The following CAMK2B variants were observed in gnomAD, a reference collection of about 807,000 sequenced individuals.
CAMK2B encodes the protein calcium/calmodulin dependent protein kinase II beta, also known as calcium/calmodulin-dependent protein kinase type II subunit beta.
CAMK2B carries 27 observed loss-of-function variants against 93.7 expected under a neutral mutation model. The observed-to-expected ratio is 0.29, with a 90% confidence interval of 0.21 to 0.40. The LOEUF is 0.40. Ranked by LOEUF, CAMK2B falls within the 10% of genes least tolerant of loss-of-function variation. The pLI, the probability that CAMK2B is intolerant of heterozygous loss-of-function variation, is 1.00. For missense variants in CAMK2B, 568 were observed against 895.8 expected, an observed-to-expected ratio of 0.63 and a Z score of 4.67; for synonymous variants, 374 against 358.8, an observed-to-expected ratio of 1.04 and a Z score of -0.48.
At chr7:44,293,941 C>T (rs1787562618) in intron 1 of CAMK2B, among the ~76,000 whole-genome samples, 1 of 152,230 alleles carries the variant, frequency 6.6e-6, no homozygotes, top group Admixed American at 6.5e-5. Flanking sequence ...TGCCCAGACC[C>T]ACTGCCAGGA....
chr7:44,218,211 T>G lies in CAMK2B; in HGVS notation c.*1314A>C, dbSNP rs1303438372. The G allele has an allele frequency of 6.5e-6, 1 of 153,106 alleles. No homozygotes were observed. The highest frequency in any genetic ancestry group is 1.9e-4 in the East Asian group (1 of 5,202). The allele number at this position is 153,106 out of a possible 1,614,324, so 9.5% of individuals were successfully genotyped here. A position where few individuals can be genotyped will look rare whatever the true frequency, so the allele number is the denominator to read the frequency against. ...CCTAGGCTGGCTCCCACTGTAGCTT[T>G]TGCTCCCTTCTGCTCCCGGCCCAGA... On this transcript the variant is annotated 3_prime_UTR_variant, in exon 24 of 24. Coordinates refer to ENST00000395749, the MANE Select transcript of CAMK2B (RefSeq NM_001220.5).
At chr7:44,253,262 G>A (rs890300627) in intron 5 of CAMK2B, among the ~76,000 whole-genome samples, 3 of 149,076 alleles carry the variant, frequency 2.0e-5, no homozygotes, top group Admixed American at 6.7e-5. Flanking sequence ...CACCCAGGCT[G>A]GAGTGCAATG....
chr7:44,254,943 C>A (rs1339918584), intron 4 of CAMK2B, among the ~76,000 whole-genome samples: 1 of 151,530 alleles, frequency 6.6e-6, no homozygotes, highest in African/African-American at 2.4e-5. Flanking sequence ...AAACAAATTT[C>A]AAAGATTTGG....
intron 1 of CAMK2B, among the ~76,000 whole-genome samples, chr7:44,315,015 T>C (rs139759802): frequency 2.6e-5 from 4 of 152,340 alleles, no homozygotes; most frequent in African/African-American, 7.2e-5. Context: ...TTTTCTCCCA[T>C]TCTATGGACT....
intron 1 of CAMK2B, among the ~76,000 whole-genome samples, chr7:44,303,005 C>T (rs1790500593): frequency 6.6e-6 from 1 of 151,950 alleles, no homozygotes; most frequent in African/African-American, 2.4e-5. Flanking sequence ...ATAGAAAACC[C>T]CAAAGAATCA....
Position 44,241,760 on chromosome 7 carries a change from C to T in CAMK2B, c.843G>A (p.Met281Ile), listed in dbSNP as rs771666855. 6.2e-7 allele frequency: 1 copy of T among 1,613,746 alleles called. No homozygotes were observed. The highest frequency in any genetic ancestry group is 8.5e-7 in the Non-Finnish European group (1 of 1,179,802). ...WVCQRSTVAS[M>I]MHRQETVECL... ...ACTCCACAGTCTCCTGTCTGTGCAT[C>T]ATGGATGCTACCGTGGAGCGTTGCT... is the stretch of plus-strand genomic sequence containing the variant. Residue 281 changes from methionine to isoleucine, a missense_variant, in exon 11 of 24, where the codon ATG (methionine) becomes ATA (isoleucine). Transcript: ENST00000395749.
chr7:44,290,062 C>T (rs1326118907), intron 1 of CAMK2B, among the ~76,000 whole-genome samples: 1 of 152,192 alleles, frequency 6.6e-6, no homozygotes, highest in Non-Finnish European at 1.5e-5. Flanking sequence ...CACACATGTG[C>T]ACTCTCCTCA....
intron 2 of CAMK2B, among the ~76,000 whole-genome samples, chr7:44,272,233 G>A (rs1229887545): frequency 1.3e-5 from 2 of 152,206 alleles, no homozygotes; most frequent in East Asian, 3.9e-4. Context: ...GTCTGAGGCA[G>A]GAATAACCCC....
chr7:44,306,416 A>T (rs764151224), intron 1 of CAMK2B, among the ~76,000 whole-genome samples: 3 of 152,224 alleles, frequency 2.0e-5, no homozygotes, highest in Non-Finnish European at 4.4e-5. Flanking sequence ...ACCCCACAGG[A>T]GCTGTGCCCC....
intron 13 of CAMK2B, among the ~76,000 whole-genome samples, chr7:44,237,752 A>C (rs1472666154): frequency 6.6e-6 from 1 of 152,216 alleles, no homozygotes; most frequent in African/African-American, 2.4e-5. Flanking sequence ...GCAGGAGCCC[A>C]GGGTAGGCGG....
chr7:44,232,672 G>T, intron 16 of CAMK2B, 150 bp downstream of exon 16: 1 of 748,672 alleles, frequency 1.3e-6, no homozygotes, highest in Middle Eastern at 3.9e-4. Context: ...TGCCCACGAA[G>T]ACGGACTGGG....
intron 2 of CAMK2B, among the ~76,000 whole-genome samples, chr7:44,277,931 G>C (rs2097064038): frequency 6.6e-6 from 1 of 152,254 alleles, no homozygotes; most frequent in Non-Finnish European, 1.5e-5. Flanking sequence ...ATGGGAAGGA[G>C]AGAGCCAGAC....
chr7:44,304,675 T>C (rs1790980699), intron 1 of CAMK2B, among the ~76,000 whole-genome samples: 1 of 152,306 alleles, frequency 6.6e-6, no homozygotes, highest in African/African-American at 2.4e-5. Flanking sequence ...TAATGACAGA[T>C]ACATGTCATT....
chr7:44,250,532 T>C (rs1301731027), intron 5 of CAMK2B, among the ~76,000 whole-genome samples: 1 of 146,854 alleles, frequency 6.8e-6, no homozygotes, highest in Non-Finnish European at 1.5e-5. Flanking sequence ...CATTGCTTTT[T>C]TTTTTTTTTT....
At chr7:44,321,257 GT>G (rs1795994939) in intron 1 of CAMK2B, among the ~76,000 whole-genome samples, 1 of 152,244 alleles carries the variant, frequency 6.6e-6, no homozygotes, top group Admixed American at 6.5e-5. Flanking sequence ...TGTTCACAGT[GT>G]GCCTCTCGGC....
chr7:44,250,392 G>T (rs1447802905), intron 5 of CAMK2B, among the ~76,000 whole-genome samples: 1 of 152,152 alleles, frequency 6.6e-6, no homozygotes, highest in Non-Finnish European at 1.5e-5. Context: ...AGTTTAAGAT[G>T]TCACTTTTGT....
intron 2 of CAMK2B, among the ~76,000 whole-genome samples, chr7:44,266,115 T>A (rs1042574528): frequency 3.3e-5 from 5 of 152,208 alleles, no homozygotes; most frequent in South Asian, 2.1e-4. Flanking sequence ...ATGACAAGGA[T>A]GTTTCATAAA....
chr7:44,278,165 T>C (rs1038451951), intron 2 of CAMK2B, among the ~76,000 whole-genome samples: 1 of 152,054 alleles, frequency 6.6e-6, no homozygotes, highest in Admixed American at 6.5e-5. Context: ...CAGGACAGCT[T>C]CATGGAGGAG....
At chr7:44,300,792 A>T (rs1169709016) in intron 1 of CAMK2B, among the ~76,000 whole-genome samples, 1 of 152,230 alleles carries the variant, frequency 6.6e-6, no homozygotes, top group Non-Finnish European at 1.5e-5. Context: ...TCTAACAGAC[A>T]TCTATAGACT....
Sources: allele counts gnomAD v4.1 joint callset (sites outside exome capture counted in the v4.1 genomes callset), GRCh38; gene constraint gnomAD v4.1.1; transcripts MANE v1.5; gene names NCBI Gene and HGNC (gene_info 2026-07-23, HGNC 2026-07-21).